Variants in GPC5 observed in about 807,000 individuals in gnomAD.
GPC5 encodes glypican 5, also known as glypican-5.
A neutral mutation model predicts 53.9 loss-of-function variants in GPC5; 47 were observed. The ratio of observed to expected loss-of-function variants is 0.87; its 90% CI spans 0.69 to 1.11. The LOEUF (loss-of-function observed/expected upper bound fraction) is 1.11. Among genes scored for constraint, GPC5 ranks in the 50% most tolerant of loss-of-function variants. The probability of loss-of-function intolerance (pLI) is 0.00; values close to 1 mark genes in which losing one functional copy is unlikely to be tolerated. For synonymous variants in GPC5, 286 were observed against 263.3 expected (o/e 1.09, Z -0.84); for missense variants, 748 against 713.1 (o/e 1.05, Z -0.56).
At chr13:91,964,015 T>C (rs564162917) in intron 6 of GPC5, among the ~76,000 whole-genome samples, 2 of 152,278 alleles carry the variant, frequency 1.3e-5, no homozygotes, top group South Asian at 4.1e-4. Flanking sequence ...TGGTGGGTTC[T>C]TGGTCTCGCC....
chr13:91,599,268 C>G (rs1170418467), intron 2 of GPC5, among the ~76,000 whole-genome samples: 2 of 152,066 alleles, frequency 1.3e-5, no homozygotes, highest in African/African-American at 4.8e-5. Flanking sequence ...GTCAGTCTTT[C>G]CCTCATCTTG....
intron 7 of GPC5, among the ~76,000 whole-genome samples, chr13:92,322,011 A>G (rs2139224064): frequency 6.6e-6 from 1 of 152,306 alleles, no homozygotes; most frequent in South Asian, 2.1e-4. Context: ...TTCCTGTGAC[A>G]AAAATTTATG....
chr13:91,512,056 TGTTA>T (rs888181124), intron 2 of GPC5, among the ~76,000 whole-genome samples: 1 of 152,192 alleles, frequency 6.6e-6, no homozygotes, highest in Non-Finnish European at 1.5e-5. Context: ...TTAGGTTTAG[TGTTA>T]GTTAGATGGA....
intron 7 of GPC5, among the ~76,000 whole-genome samples, chr13:92,242,675 A>G (rs928510433): frequency 2.6e-5 from 4 of 152,182 alleles, no homozygotes; most frequent in Non-Finnish European, 4.4e-5. Flanking sequence ...CTTTTCAGTC[A>G]TGTCAGATAT....
At chr13:92,089,060 G>A (rs1216990581) in intron 6 of GPC5, among the ~76,000 whole-genome samples, 1 of 152,206 alleles carries the variant, frequency 6.6e-6, no homozygotes, top group East Asian at 1.9e-4. Flanking sequence ...GAATGGAGAA[G>A]TACGAAATTA....
intron 4 of GPC5, among the ~76,000 whole-genome samples, chr13:91,737,537 G>A (rs897300779): frequency 8.6e-5 from 13 of 151,224 alleles, no homozygotes; most frequent in African/African-American, 2.7e-4. Flanking sequence ...ATCCATCAGC[G>A]TCTTTGCCAA....
chr13:92,180,659 C>T (rs2042140133), intron 7 of GPC5: 1 of 155,608 alleles, frequency 6.4e-6, no homozygotes, highest in African/African-American at 2.4e-5. Flanking sequence ...TTTTCTCATT[C>T]AACTGAGCTT....
intron 7 of GPC5, among the ~76,000 whole-genome samples, chr13:92,690,692 G>A (rs1488966812): frequency 2.2e-5 from 3 of 135,674 alleles, no homozygotes; most frequent in African/African-American, 8.3e-5. Flanking sequence ...CCCCATCTTT[G>A]TGGTTTTATC....
intron 7 of GPC5, among the ~76,000 whole-genome samples, chr13:92,408,614 T>TTA (rs759751587): frequency 2.6e-3 from 346 of 134,960 alleles, no homozygotes; most frequent in Non-Finnish European, 4.4e-3. Flanking sequence ...GCGATCTACC[T>TTA]TATATATATA....
chr13:91,778,882 AT>A (rs2037752818), intron 5 of GPC5, among the ~76,000 whole-genome samples: 1 of 152,252 alleles, frequency 6.6e-6, no homozygotes, highest in Admixed American at 6.5e-5. Context: ...CCTAGACTAT[AT>A]GCTCCTAGGC....
At chr13:91,514,929 T>A (rs894294509) in intron 2 of GPC5, among the ~76,000 whole-genome samples, 1 of 152,200 alleles carries the variant, frequency 6.6e-6, no homozygotes, top group Non-Finnish European at 1.5e-5. Flanking sequence ...TAAAGAATAC[T>A]TTATATCTGC....
chr13:91,875,136 G>A (rs2039187767), intron 5 of GPC5, among the ~76,000 whole-genome samples: 1 of 152,128 alleles, frequency 6.6e-6, no homozygotes, highest in Non-Finnish European at 1.5e-5. Flanking sequence ...GTGTCTCTAA[G>A]GTTTGGTCTC....
intron 2 of GPC5, among the ~76,000 whole-genome samples, chr13:91,662,773 C>G (rs192228053): frequency 6.6e-6 from 1 of 152,294 alleles, no homozygotes; most frequent in Admixed American, 6.5e-5. Context: ...CCCATAGTAT[C>G]TTCCTGCTTC....
chr13:92,254,100 C>T (rs1176202313), intron 7 of GPC5, among the ~76,000 whole-genome samples: 1 of 151,560 alleles, frequency 6.6e-6, no homozygotes, highest in Non-Finnish European at 1.5e-5. Context: ...ATGTTCAACC[C>T]AAGAAAAAAT....
intron 1 of GPC5, among the ~76,000 whole-genome samples, chr13:91,405,231 G>C (rs1877233446): frequency 6.6e-6 from 1 of 152,164 alleles, no homozygotes; most frequent in Non-Finnish European, 1.5e-5. Flanking sequence ...GACATTGGGG[G>C]ATTGGCAATT....
intron 7 of GPC5, among the ~76,000 whole-genome samples, chr13:92,361,739 A>C (rs1000377208): frequency 5.3e-5 from 8 of 151,702 alleles, no homozygotes; most frequent in African/African-American, 2.0e-4. Context: ...CTGATAATTT[A>C]TCAATAAACA....
intron 4 of GPC5, among the ~76,000 whole-genome samples, chr13:91,749,180 C>T (rs1223945379): frequency 6.6e-6 from 1 of 152,062 alleles, no homozygotes; most frequent in African/African-American, 2.4e-5. Context: ...ACCCCACTTC[C>T]ACCTCCCACC....
chr13:91,984,597 T>C (rs898472639), intron 6 of GPC5, among the ~76,000 whole-genome samples: 2 of 152,230 alleles, frequency 1.3e-5, no homozygotes, highest in African/African-American at 4.8e-5. Context: ...GGGCTTTCTT[T>C]TAATACTAGT....
chr13:91,402,049 T>C (rs917228493), intron 1 of GPC5, among the ~76,000 whole-genome samples: 3 of 152,176 alleles, frequency 2.0e-5, no homozygotes, highest in Admixed American at 6.5e-5. Context: ...TTATTGGGGA[T>C]GGGGATAATG....
Sources: allele counts gnomAD v4.1 joint callset (sites outside exome capture counted in the v4.1 genomes callset), GRCh38; gene constraint gnomAD v4.1.1; transcripts MANE v1.5; gene names NCBI Gene and HGNC (gene_info 2026-07-23, HGNC 2026-07-21).